The following MAP4K3 variants were observed in gnomAD, a reference collection of about 807,000 sequenced individuals.
MAP4K3 encodes mitogen-activated protein kinase kinase kinase kinase 3, also known as MAPK/ERK kinase kinase kinase 3.
In MAP4K3, 94 loss-of-function variants were observed where a neutral mutation model predicts 143.5. The observed-to-expected ratio is 0.65, with a 90% CI of 0.55 to 0.78. The LOEUF is 0.78. Ranked by LOEUF, MAP4K3 falls within the 30% of genes least tolerant of loss-of-function variation. The pLI is 0.00. For missense variants in MAP4K3, 1,077 were observed against 1,068.1 expected (o/e 1.01, Z -0.12); for synonymous variants, 416 against 347.2 (o/e 1.20, Z -2.20).
At chr2:39,260,497 T>C (rs1294663808) in intron 29 of MAP4K3, 109 bp downstream of exon 29, 3 of 789,764 alleles carry the variant, frequency 3.8e-6, no homozygotes, top group Non-Finnish European at 4.1e-6. Flanking sequence ...TAATAGTTAT[T>C]GAAGACTGGC....
intron 1 of MAP4K3, among the ~76,000 whole-genome samples, chr2:39,433,981 T>C (rs1049095003): frequency 6.6e-6 from 1 of 152,222 alleles, no homozygotes; most frequent in Non-Finnish European, 1.5e-5. Context: ...CAAGGTCACA[T>C]AGCTAATAAA....
At chr2:39,389,102 A>G (rs1666585179) in intron 1 of MAP4K3, among the ~76,000 whole-genome samples, 1 of 152,218 alleles carries the variant, frequency 6.6e-6, no homozygotes, top group Non-Finnish European at 1.5e-5. Context: ...AGATTTTTTA[A>G]AAGTTAACAC....
At chr2:39,259,840 T>C (rs574164381) in intron 29 of MAP4K3, among the ~76,000 whole-genome samples, 1 of 152,330 alleles carries the variant, frequency 6.6e-6, no homozygotes, top group African/African-American at 2.4e-5. Context: ...CCAAGAAAGA[T>C]TAATGCAAAC....
rs972262921 is a variant in MAP4K3, at chr2:39,437,156, G to A, written c.-169C>T. On this transcript the variant is annotated 5_prime_UTR_variant, in exon 1 of 34. Transcript: ENST00000263881. ...CCGCCGCCGCTCCCCTCACGCCGCT[G>A]CGGACGACGACAAGCGGCCAATCGT... is the stretch of plus-strand genomic sequence containing the variant. The A allele has an allele frequency of 1.7e-4, 72 of 412,632 alleles. No individual in the cohort carries two copies. The highest frequency in any genetic ancestry group is 2.5e-5 in the Non-Finnish European group (6 of 240,044). 25.6% of individuals were successfully genotyped at this position (412,632 alleles called of 1,614,324 possible). A position where few individuals can be genotyped will look rare whatever the true frequency, so the allele number is the denominator to read the frequency against.
chr2:39,264,207 A>G (rs183732857), intron 28 of MAP4K3, among the ~76,000 whole-genome samples: 33 of 152,356 alleles, frequency 2.2e-4, no homozygotes, highest in African/African-American at 7.5e-4. Flanking sequence ...AGGAGCTGAG[A>G]ACAAAACAAT....
At position 39,436,992 on chromosome 2, in the gene MAP4K3, G is replaced by T. The variant is rs1164519042; in HGVS notation, c.-5C>A. 2 of 1,608,472 alleles carry T rather than the reference G, an allele frequency of 1.2e-6. No individual in the cohort carries two copies. Among genetic ancestry groups the T allele is most frequent in the East Asian group, 4.5e-5 (2 of 44,396 alleles). On this transcript the variant is annotated 5_prime_UTR_variant, in exon 1 of 34. Transcript: ENST00000263881. Reference sequence around the variant, plus strand: ...CAAATCGAAGCCGGGGTTCATGGCGGGCCCCAGGTGCCCCCCGCCTCCCTC... The same window carrying T: ...CAAATCGAAGCCGGGGTTCATGGCGTGCCCCAGGTGCCCCCCGCCTCCCTC...
Position 39,258,440 on chromosome 2 carries a change from C to T in MAP4K3, c.2378G>A (p.Cys793Tyr), listed in dbSNP as rs1357447995. 13 of 1,606,938 alleles carry T rather than the reference C, an allele frequency of 8.1e-6. No homozygotes were observed. Among genetic ancestry groups the T allele is most frequent in the Non-Finnish European group, 1.1e-5 (13 of 1,174,786 alleles). ...ERDTILVCLDCCIKIVNLQGR... is the reference protein window; with the variant it reads ...ERDTILVCLDYCIKIVNLQGR... Reference sequence around the variant, plus strand: ...TTGGAGATTTACTATTTTTATACAACCTAGAGGAAAAAAAGTCACTCAGAA... The same window carrying T: ...TTGGAGATTTACTATTTTTATACAATCTAGAGGAAAAAAAGTCACTCAGAA... Residue 793 changes from cysteine (C) to tyrosine (Y), a missense_variant and splice_region_variant, in exon 31 of 34, where the codon TGT becomes TAT. Cys to Tyr is a radical substitution (Grantham distance 194, BLOSUM62 -2). Around this residue, in one of 2 missense-constraint regions of MAP4K3, gnomAD observed 864 missense variants for 801.2 expected, o/e 1.08. Coordinates refer to ENST00000263881, the MANE Select transcript of MAP4K3 (RefSeq NM_003618.4).
rs757923742 is a variant in MAP4K3 at position 39,267,280 on chromosome 2, T to C, written c.1974-33A>G. ...TAAATAAAAGTGAGTACGTAATATA[T>C]GTAGGCAAACTTAGTATATGAAAAA... On this transcript the variant is annotated intron_variant, in intron 26 of 33. Coordinates refer to ENST00000263881, the MANE Select transcript of MAP4K3 (RefSeq NM_003618.4). 2.0e-5 allele frequency: 31 copies of C among 1,528,762 alleles called. No individual in the cohort carries two copies. In the East Asian group the frequency reaches 3.2e-4, roughly 16 times the overall value. 94.7% of individuals were successfully genotyped at this position (1,528,762 alleles called of 1,614,324 possible).
At chr2:39,305,594 C>A (rs1682673363) in intron 15 of MAP4K3, among the ~76,000 whole-genome samples, 1 of 152,144 alleles carries the variant, frequency 6.6e-6, no homozygotes, top group Non-Finnish European at 1.5e-5. Flanking sequence ...AAGTTGTATA[C>A]TCTGACAAAT....
chr2:39,362,373 T>C (rs1453733549), intron 2 of MAP4K3, among the ~76,000 whole-genome samples: 1 of 152,116 alleles, frequency 6.6e-6, no homozygotes, highest in Non-Finnish European at 1.5e-5. Context: ...TTAGCACTAA[T>C]AAACAAATTC....
chr2:39,414,273 C>T (rs1667308040), intron 1 of MAP4K3, among the ~76,000 whole-genome samples: 1 of 152,152 alleles, frequency 6.6e-6, no homozygotes, highest in South Asian at 2.1e-4. Context: ...AAAAATCCTG[C>T]TCTTAACCTT....
At chr2:39,346,014 A>C (rs2148539207) in intron 3 of MAP4K3, among the ~76,000 whole-genome samples, 1 of 152,158 alleles carries the variant, frequency 6.6e-6, no homozygotes, top group South Asian at 2.1e-4. Context: ...TCACATAACA[A>C]TGAAATTGAA....
At position 39,309,467 on chromosome 2, in the gene MAP4K3, A is replaced by G. The variant is rs376389310; in HGVS notation, c.1050T>C (p.His350=). Residue 350 remains histidine, a synonymous_variant, in exon 14 of 34, where the codon CAT becomes CAC. Transcript: ENST00000263881. ...PPLRKETEPH[H]ELPDSDGFLD... is the part of the protein sequence containing the mutation. ...CTAAGGCTATACTACTTACAAGTTC[A>G]TGATGTGGTTCTGTCTCCTTTCTTA... 36 of 1,587,388 alleles carry G rather than the reference A, an allele frequency of 2.3e-5. No individual in the cohort carries two copies. The East Asian group carries it at 5.2e-4, about 23-fold the overall frequency.
At chr2:39,347,092 C>T (rs1445138693) in intron 3 of MAP4K3, among the ~76,000 whole-genome samples, 2 of 151,190 alleles carry the variant, frequency 1.3e-5, no homozygotes, top group Non-Finnish European at 2.9e-5. Flanking sequence ...TTTACATTCT[C>T]TTTCTCTCAT....
At chr2:39,390,652 T>C (rs754134325) in intron 1 of MAP4K3, among the ~76,000 whole-genome samples, 3 of 152,108 alleles carry the variant, frequency 2.0e-5, no homozygotes, top group Non-Finnish European at 4.4e-5. Context: ...GAGTAAGTGG[T>C]GGCAGAAATT....
intron 8 of MAP4K3, among the ~76,000 whole-genome samples, chr2:39,327,145 C>G (rs1020202216): frequency 6.6e-6 from 1 of 152,174 alleles, no homozygotes; most frequent in Admixed American, 6.5e-5. Context: ...TCGTAATAAG[C>G]AACCTATAGC....
intron 12 of MAP4K3, among the ~76,000 whole-genome samples, chr2:39,319,795 A>G (rs1188487670): frequency 1.3e-5 from 2 of 152,184 alleles, no homozygotes; most frequent in Non-Finnish European, 2.9e-5. Context: ...CTTAATCCAT[A>G]TGTAACCCTC....
chr2:39,392,203 A>AAAAAAAAAAAAAAAAAACAT (rs1666683809), intron 1 of MAP4K3, among the ~76,000 whole-genome samples: 1 of 151,070 alleles, frequency 6.6e-6, no homozygotes, highest in Non-Finnish European at 1.5e-5. Flanking sequence ...AAAAAAAAAA[A>AAAAAAAAAAAAAAAAAACAT]AATTACAGTG....
chr2:39,323,626 C>G (rs997983051), intron 12 of MAP4K3: 1 of 152,192 alleles, frequency 6.6e-6, no homozygotes, highest in Admixed American at 6.5e-5. Context: ...ACGTAAATAA[C>G]AGATGCACAT....
Sources: allele counts gnomAD v4.1 joint callset (sites outside exome capture counted in the v4.1 genomes callset), GRCh38; gene constraint gnomAD v4.1.1; regional missense constraint gnomAD v4.1.1; transcripts MANE v1.5; gene names NCBI Gene and HGNC (gene_info 2026-07-23, HGNC 2026-07-21).